Variants in HLA-DQA2 observed in about 807,000 individuals in gnomAD.
The protein encoded by HLA-DQA2 is HLA class II histocompatibility antigen, DQ alpha 2 chain.
HLA-DQA2 carries 17 observed loss-of-function variants against 21.0 expected under a neutral mutation model. The observed-to-expected ratio is 0.81, with a 90% CI of 0.56 to 1.22. The LOEUF is 1.22. HLA-DQA2 is among the 50% of genes most tolerant of loss of function. The probability of loss-of-function intolerance (pLI) is 0.00; values close to 1 mark genes in which losing one functional copy is unlikely to be tolerated. For synonymous variants in HLA-DQA2, 81 were observed against 116.5 expected (o/e 0.70, Z 1.96); for missense variants, 239 against 308.8 (o/e 0.77, Z 1.69).
Position 32,746,090 on chromosome 6 carries a change from C to T in HLA-DQA2, c.613+18C>T, listed in dbSNP as rs9276435. On this transcript the variant is annotated intron_variant, in intron 3 of 4. Transcript: ENST00000374940. Reference sequence around the variant, plus strand: ...ACACTGGGGTAAGGATGAGTTCCACCACTTCATGGGTTTCTAATAATAGAC... The same window carrying T: ...ACACTGGGGTAAGGATGAGTTCCACTACTTCATGGGTTTCTAATAATAGAC... 264,218 of 1,603,848 alleles carry T rather than the reference C, an allele frequency of 0.16. 18,921 individuals are homozygous for T. The highest frequency in any genetic ancestry group is 0.19 in the Non-Finnish European group (217,753 of 1,171,922).
Position 32,745,967 on chromosome 6 carries a change from T to C in HLA-DQA2, c.508T>C (p.Ser170Pro). The C allele has an allele frequency of 2.5e-6, 4 of 1,613,150 alleles. No homozygotes were observed. Among genetic ancestry groups the C allele is most frequent in the Non-Finnish European group, 3.4e-6 (4 of 1,180,054 alleles). ...CAGCTTCCTCTCCAAGAGTGATCAT[T>C]CCTTCTTCAAGATCAGTTACCTCAC... is the stretch of plus-strand genomic sequence containing the variant. ...ETSFLSKSDH[S>P]FFKISYLTFL... The change falls in exon 3 of 5, where the codon TCC becomes CCC. Residue 170 changes from serine (S) to proline (P), a missense_variant. Coordinates refer to ENST00000374940, the MANE Select transcript of HLA-DQA2 (RefSeq NM_020056.5).
At position 32,746,077 on chromosome 6, in the gene HLA-DQA2, G is replaced by A. The variant is rs4398729; in HGVS notation, c.613+5G>A. On this transcript the variant is annotated splice_donor_5th_base_variant and intron_variant, in intron 3 of 4. Transcript: ENST00000374940. ...AGCCTCTTCTGAAACACTGGGGTAA[G>A]GATGAGTTCCACCACTTCATGGGTT... 0.059 allele frequency: 94,415 copies of A among 1,612,326 alleles called. 2,915 individuals are homozygous for A. Among genetic ancestry groups the A allele is most frequent in the South Asian group, 0.081 (7,387 of 91,040 alleles).
chr6:32,745,807 A>G lies in HLA-DQA2; in HGVS notation c.348A>G (p.Thr116=). The change falls in exon 3 of 5, where the codon ACA becomes ACG. Residue 116 remains threonine (T), a synonymous_variant. Coordinates refer to ENST00000374940, the MANE Select transcript of HLA-DQA2 (RefSeq NM_020056.5). ...TAATNEVPEV[T]VFSKFPVTLG... ...TCACCACAGAGGTTCCTGAGGTCAC[A>G]GTGTTTTCCAAGTTTCCTGTGACGC... is the stretch of plus-strand genomic sequence containing the variant. The G allele has an allele frequency of 6.8e-6, 11 of 1,613,122 alleles. No homozygotes were observed. Among genetic ancestry groups the G allele is most frequent in the Non-Finnish European group, 9.3e-6 (11 of 1,180,032 alleles).
Position 32,746,363 on chromosome 6 carries a change from T to G in HLA-DQA2, c.737T>G (p.Val246Gly), listed in dbSNP as rs1414445077. The change falls in exon 4 of 5, where the codon GTT becomes GGT. Residue 246 changes from valine (V) to glycine (G), a missense_variant. By Grantham distance (109) the Val-to-Gly change is moderately radical (BLOSUM62 -3). Coordinates refer to ENST00000374940, the MANE Select transcript of HLA-DQA2 (RefSeq NM_020056.5). ...TTCATCATCCAAGGCCTGCGTTCAG[T>G]TGGTGCTTCCAGACACCAAGGGCTC... ...TVFIIQGLRS[V>G]GASRHQGLL 4 of 1,612,836 alleles carry G rather than the reference T, an allele frequency of 2.5e-6. No individual in the cohort carries two copies. The highest frequency in any genetic ancestry group is 1.3e-5 in the African/African-American group (1 of 74,878).
In HLA-DQA2 at chr6:32,745,253, T is replaced by C. The variant is rs3208181; in HGVS notation, c.177T>C (p.Tyr59=). The C allele has an allele frequency of 0.57, 904,114 of 1,595,902 alleles. 252,806 individuals are homozygous for C. The highest frequency in any genetic ancestry group is 0.75 in the East Asian group (33,163 of 44,342). Residue 59 remains tyrosine, a synonymous_variant, in exon 2 of 5, where the codon TAT becomes TAC. Transcript: ENST00000374940. ...AATTTGATGGAGACGAGGAGTTCTA[T>C]GTGGACCTGGAGACGAAAGAGACTG... ...THEFDGDEEF[Y]VDLETKETVW... is the part of the protein sequence containing the mutation.
At chr6:32,741,959 C>G (rs1763243199) in intron 1 of HLA-DQA2, among the ~76,000 whole-genome samples, 1 of 152,198 alleles carries the variant, frequency 6.6e-6, no homozygotes, top group Non-Finnish European at 1.5e-5. Context: ...TATGTACACT[C>G]TATAGATATA....
chr6:32,745,038 T>C lies in HLA-DQA2; in HGVS notation c.83-121T>C, dbSNP rs1162202262. 5.1e-6 allele frequency: 6 copies of C among 1,184,324 alleles called. No homozygotes were observed. The East Asian group carries it at 1.2e-4, about 23-fold the overall frequency. The allele number at this position is 1,184,324 out of a possible 1,614,324, so 73.4% of individuals were successfully genotyped here. ...AGGAAGCAGGTGTTAGGAAGATTGT[T>C]CAGGGACTGTGCCAAAGATGAAGCC... On this transcript the variant is annotated intron_variant, in intron 1 of 4. Coordinates refer to ENST00000374940, the MANE Select transcript of HLA-DQA2 (RefSeq NM_020056.5).
rs2071800 is a variant in HLA-DQA2 at position 32,746,366 on chromosome 6, G to A, written c.740G>A (p.Gly247Asp). ...ATCATCCAAGGCCTGCGTTCAGTTG[G>A]TGCTTCCAGACACCAAGGGCTCTTA... The part of the protein sequence containing the change: ...VFIIQGLRSV[G>D]ASRHQGLL Residue 247 changes from glycine to aspartate, a missense_variant, in exon 4 of 5, where the codon GGT becomes GAT. Gly to Asp is a moderately conservative substitution (Grantham distance 94). Transcript: ENST00000374940. 112,713 of 1,611,534 alleles carry A rather than the reference G, an allele frequency of 0.07. 3,073 individuals carry two copies. The highest frequency in any genetic ancestry group is 0.11 in the Middle Eastern group (640 of 6,062).
chr6:32,744,768 G>C (rs1763446235), intron 1 of HLA-DQA2, among the ~76,000 whole-genome samples: 1 of 152,058 alleles, frequency 6.6e-6, no homozygotes, highest in Non-Finnish European at 1.5e-5. Flanking sequence ...TATTAACTGA[G>C]AGAGAAAACT....
Position 32,745,406 on chromosome 6 carries a change from T to C in HLA-DQA2, c.330T>C (p.Asn110=), listed in dbSNP as rs764219991. The change falls in exon 2 of 5, where the codon AAT becomes AAC. Residue 110 remains asparagine (N), a splice_region_variant and synonymous_variant. Transcript: ENST00000374940. ...MRQSNSTAAT[N]EVPEVTVFSK... ...AGTCCAACTCTACCGCTGCCACCAA[T>C]GGTACGTGTCCACCATTCCGCCTCT... is the stretch of plus-strand genomic sequence containing the variant. 5.6e-6 allele frequency: 9 copies of C among 1,611,056 alleles called. No homozygotes were observed. The highest frequency in any genetic ancestry group is 7.6e-6 in the Non-Finnish European group (9 of 1,179,092).
rs9276439 is a variant in HLA-DQA2, at chr6:32,746,826, C to T, written c.*265C>T. On this transcript the variant is annotated 3_prime_UTR_variant, in exon 5 of 5. Transcript: ENST00000374940. The stretch of plus-strand genomic sequence containing the variant: ...CTAAGGGATGCCTGGGTAAGCCACT[C>T]AGCTACCTAATTCCTCAATGACCTT... 30,013 of 369,872 alleles carry T rather than the reference C, an allele frequency of 0.081. 2,160 individuals are homozygous for T. Among genetic ancestry groups the T allele is most frequent in the African/African-American group, 0.25 (11,721 of 47,166 alleles). 22.9% of individuals were successfully genotyped at this position (369,872 alleles called of 1,614,324 possible). A position where few individuals can be genotyped will look rare whatever the true frequency, so the allele number is the denominator to read the frequency against.
In HLA-DQA2 at chr6:32,746,296, G is replaced by A. The variant is rs758180668; in HGVS notation, c.670G>A (p.Gly224Arg). Residue 224 changes from glycine to arginine, a missense_variant, in exon 4 of 5, where the codon GGG (glycine) becomes AGG (arginine). Coordinates refer to ENST00000374940, the MANE Select transcript of HLA-DQA2 (RefSeq NM_020056.5). The part of the protein sequence containing the change: ...ELTETLVCAL[G>R]LSVGLMGIVV... ...CACAGAGACTTTGGTCTGCGCCCTGGGGTTGTCTGTGGGCCTCATGGGCAT... is the reference window on the plus strand; with the variant it reads ...CACAGAGACTTTGGTCTGCGCCCTGAGGTTGTCTGTGGGCCTCATGGGCAT... 5.6e-6 allele frequency: 9 copies of A among 1,612,992 alleles called. No homozygotes were observed. The highest frequency in any genetic ancestry group is 7.6e-6 in the Non-Finnish European group (9 of 1,180,052).
At chr6:32,745,687 T>A in intron 2 of HLA-DQA2, 104 bp from the exon 3 acceptor site, 1 of 1,290,758 alleles carries the variant, frequency 7.7e-7, no homozygotes, top group Non-Finnish European at 1.1e-6. Flanking sequence ...CCTCTTTGAC[T>A]ATCAGGTGGT....
At chr6:32,741,604 GA>G in intron 1 of HLA-DQA2, 79 bp downstream of exon 1, 3 of 1,293,182 alleles carry the variant, frequency 2.3e-6, no homozygotes, top group Non-Finnish European at 3.3e-6. Flanking sequence ...AATTTGCTAA[GA>G]AATAGTAGAA....
chr6:32,746,804 A>C lies in HLA-DQA2; in HGVS notation c.*243A>C, dbSNP rs1302559145. On this transcript the variant is annotated 3_prime_UTR_variant, in exon 5 of 5. Transcript: ENST00000374940. The stretch of plus-strand genomic sequence containing the variant: ...TTATTTTCTCAAATGTTACCTACTA[A>C]GGGATGCCTGGGTAAGCCACTCAGC... 1.8e-5 allele frequency: 7 copies of C among 399,216 alleles called. No individual in the cohort carries two copies. Among genetic ancestry groups the C allele is most frequent in the Non-Finnish European group, 3.4e-5 (7 of 206,002 alleles). 24.7% of individuals were successfully genotyped at this position (399,216 alleles called of 1,614,324 possible). A position where few individuals can be genotyped will look rare whatever the true frequency, so the allele number is the denominator to read the frequency against.
intron 4 of HLA-DQA2, 77 bp from the exon 5 acceptor site, chr6:32,746,505 A>T: frequency 6.8e-7 from 1 of 1,471,952 alleles, no homozygotes; most frequent in South Asian, 1.1e-5. Context: ...TGAAAGTTGT[A>T]GGCGAATTGG....
chr6:32,742,394 AGAT>A (rs912984666), intron 1 of HLA-DQA2, among the ~76,000 whole-genome samples: 54 of 88,126 alleles, frequency 6.1e-4, no homozygotes, highest in Non-Finnish European at 1.0e-3. Flanking sequence ...GGGCAGGCAC[AGAT>A]AATTATTTGG....
At chr6:32,745,119 CCT>C (rs1763470484) in intron 1 of HLA-DQA2, 38 bp from the exon 2 acceptor site, 1 of 1,595,788 alleles carries the variant, frequency 6.3e-7, no homozygotes, top group East Asian at 2.2e-5. Flanking sequence ...GTTCTTTCTC[CCT>C]GTGTTCCACC....
At chr6:32,742,775 G>A (rs9276412) in intron 1 of HLA-DQA2, among the ~76,000 whole-genome samples, 85,640 of 151,152 alleles carry the variant, frequency 0.57, 25,036 homozygotes, top group East Asian at 0.85. Flanking sequence ...GCAGTGAAGG[G>A]GACCCTCCAA....
Sources: gnomAD v4.1 joint callset for allele counts (sites outside exome capture counted in the v4.1 genomes callset) on GRCh38, gnomAD v4.1.1 for gene constraint, MANE v1.5 for transcripts, NCBI Gene and HGNC (gene_info 2026-07-23, HGNC 2026-07-21) for gene names.